The following CNNM2 variants were observed in gnomAD, a reference collection of about 807,000 sequenced individuals.
CNNM2 encodes metal transporter CNNM2.
In CNNM2, 12 loss-of-function variants were observed where a neutral mutation model predicts 66.9. The observed-to-expected ratio is 0.18, with a 90% CI of 0.11 to 0.29. CNNM2 has a LOEUF of 0.29. CNNM2 is among the 10% of genes least tolerant of loss of function. The pLI is 1.00. For synonymous variants in CNNM2, 557 were observed against 501.8 expected (o/e 1.11, Z -1.47); for missense variants, 705 against 1,167.7 (o/e 0.60, Z 5.77).
chr10:103,047,877 G>C (rs2065152158), intron 1 of CNNM2, among the ~76,000 whole-genome samples: 1 of 152,150 alleles, frequency 6.6e-6, no homozygotes, highest in Non-Finnish European at 1.5e-5. Context: ...TTGAGAAGCT[G>C]TTACGCTCGT....
intron 1 of CNNM2, among the ~76,000 whole-genome samples, chr10:102,922,819 T>C (rs1845701882): frequency 6.6e-6 from 1 of 151,576 alleles, no homozygotes; most frequent in Non-Finnish European, 1.5e-5. Context: ...TGTGTGCCTG[T>C]GGTCCCAGCT....
At chr10:102,987,881 A>G (rs2063826062) in intron 1 of CNNM2, among the ~76,000 whole-genome samples, 1 of 152,176 alleles carries the variant, frequency 6.6e-6, no homozygotes, top group South Asian at 2.1e-4. Flanking sequence ...ATGAGACCAG[A>G]GCCAAAGGTC....
Position 103,081,063 on chromosome 10 carries a change from C to T in CNNM2, c.*3883C>T, listed in dbSNP as rs1007766736. ...CAGGGGTGATCCTAGGCAGATGACT[C>T]ACCCGGGCTGGCACAGGAAGGTGCT... On this transcript the variant is annotated 3_prime_UTR_variant, in exon 8 of 8. Coordinates refer to ENST00000369878, the MANE Select transcript of CNNM2 (RefSeq NM_017649.5). The T allele has an allele frequency of 2.0e-5, 3 of 152,210 alleles. No individual in the cohort carries two copies. The highest frequency in any genetic ancestry group is 4.4e-5 in the Non-Finnish European group (3 of 68,054). The allele number at this position is 152,210 out of a possible 1,614,324, so 9.4% of individuals were successfully genotyped here.
At chr10:102,988,902 T>G (rs2063846276) in intron 1 of CNNM2, among the ~76,000 whole-genome samples, 1 of 152,194 alleles carries the variant, frequency 6.6e-6, no homozygotes, top group South Asian at 2.1e-4. Flanking sequence ...AGAAGTCACC[T>G]GTGAATGAGC....
At chr10:103,069,208 C>T (rs541132524) in intron 5 of CNNM2, among the ~76,000 whole-genome samples, 7 of 152,070 alleles carry the variant, frequency 4.6e-5, no homozygotes, top group African/African-American at 7.2e-5. Flanking sequence ...CAGCAGTGCA[C>T]GTGTCCTTTC....
rs2065588125 is a variant in CNNM2 at position 103,071,803 on chromosome 10, G to T, written c.2197G>T (p.Val733Phe). Residue 733 changes from valine (V) to phenylalanine (F), a missense_variant, in exon 6 of 8, where the codon GTC becomes TTC. Coordinates refer to ENST00000369878, the MANE Select transcript of CNNM2 (RefSeq NM_017649.5). ...VPLSLSRTFV[V>F]SRTELLAAGS... ...TTTGTCCCTGTCTCGTACCTTTGTT[G>T]TCAGCAGAACAGAGTTGTTAGCAGC... 1 of 1,613,874 alleles carries T rather than the reference G, an allele frequency of 6.2e-7. No individual in the cohort carries two copies. The highest frequency in any genetic ancestry group is 1.7e-5 in the Admixed American group (1 of 60,002).
chr10:103,041,086 T>TG (rs949462622), intron 1 of CNNM2, among the ~76,000 whole-genome samples: 19 of 152,118 alleles, frequency 1.2e-4, no homozygotes, highest in African/African-American at 4.6e-4. Context: ...AGGGGCCACA[T>TG]GGAGGGTGTT....
chr10:103,041,411 T>C (rs1270078605), intron 1 of CNNM2, among the ~76,000 whole-genome samples: 2 of 152,122 alleles, frequency 1.3e-5, no homozygotes, highest in Non-Finnish European at 2.9e-5. Flanking sequence ...GGAAATCTAA[T>C]GGTGTCATGT....
Position 102,921,000 on chromosome 10 carries a change from T to TC in CNNM2, c.1621+901dup, listed in dbSNP as rs955235286. The TC allele has an allele frequency of 4.0e-6, 3 of 757,082 alleles. No individual in the cohort carries two copies. The African/African-American group carries it at 5.7e-5, about 14-fold the overall frequency. 46.9% of individuals were successfully genotyped at this position (757,082 alleles called of 1,614,324 possible). ...CTTTCAGTTTAACGTGTTCTTTTTT[T>TC]CCACCTTGATCATCCGATACATTAA... is the stretch of plus-strand genomic sequence containing the variant. On this transcript the variant is annotated intron_variant, in intron 1 of 7. Transcript: ENST00000369878.
chr10:102,920,819 G>T (rs1343291501), intron 1 of CNNM2, among the ~76,000 whole-genome samples: 1 of 152,174 alleles, frequency 6.6e-6, no homozygotes, highest in East Asian at 1.9e-4. Flanking sequence ...CCAGCCTTTT[G>T]TGAAGAGGCT....
chr10:102,918,543 A>C lies in CNNM2; in HGVS notation c.63A>C (p.Ala21=). Residue 21 remains alanine (A), a synonymous_variant, in exon 1 of 8, where the codon GCA becomes GCC. Coordinates refer to ENST00000369878, the MANE Select transcript of CNNM2 (RefSeq NM_017649.5). The surrounding 1 kb of genome is among the most constrained non-coding windows in gnomAD (Gnocchi z 4.1). ...TGGCGGGCGGGCAGGCAGCCGCCGC[A>C]CTGCCCACTTGGAAGATGGCGGCGC... ...VKMAGGQAAA[A]LPTWKMAARR... is the part of the protein sequence containing the mutation. 10 of 1,601,808 alleles carry C rather than the reference A, an allele frequency of 6.2e-6. No homozygotes were observed. Among genetic ancestry groups the C allele is most frequent in the Non-Finnish European group, 7.6e-6 (9 of 1,176,572 alleles).
chr10:102,945,779 T>C (rs1209052939), intron 1 of CNNM2, among the ~76,000 whole-genome samples: 1 of 152,236 alleles, frequency 6.6e-6, no homozygotes, highest in Non-Finnish European at 1.5e-5. Flanking sequence ...TAAGACTCTA[T>C]GTATCCATGT....
chr10:103,001,830 C>G (rs1688409573), intron 1 of CNNM2, among the ~76,000 whole-genome samples: 1 of 148,886 alleles, frequency 6.7e-6, no homozygotes, highest in East Asian at 2.0e-4. Flanking sequence ...ATGGTGAAAC[C>G]CCCTGTATAC....
chr10:102,937,946 A>G (rs906240240), intron 1 of CNNM2, among the ~76,000 whole-genome samples: 4 of 151,962 alleles, frequency 2.6e-5, no homozygotes, highest in African/African-American at 4.8e-5. Context: ...TAATTTAACT[A>G]TAGGATAAGT....
At chr10:103,037,579 C>T (rs1013379056) in intron 1 of CNNM2, among the ~76,000 whole-genome samples, 2 of 152,094 alleles carry the variant, frequency 1.3e-5, no homozygotes, top group Admixed American at 1.3e-4. Context: ...GGAGTCTTCT[C>T]TCTGTAATGA....
intron 1 of CNNM2, among the ~76,000 whole-genome samples, chr10:103,034,206 A>G (rs982734320): frequency 1.3e-4 from 20 of 152,068 alleles, no homozygotes; most frequent in African/African-American, 4.6e-4. Flanking sequence ...TATTAAATGT[A>G]TAATAATAAA....
chr10:102,972,159 T>C (rs1178376096), intron 1 of CNNM2, among the ~76,000 whole-genome samples: 1 of 152,174 alleles, frequency 6.6e-6, no homozygotes, highest in Non-Finnish European at 1.5e-5. Flanking sequence ...CGTGTTTCCA[T>C]GTTTTAATAT....
intron 5 of CNNM2, among the ~76,000 whole-genome samples, chr10:103,069,760 C>G (rs751757111): frequency 6.6e-6 from 1 of 152,166 alleles, no homozygotes; most frequent in Non-Finnish European, 1.5e-5. Context: ...TGAGGCAGCC[C>G]GAACAGGTCG....
rs576434046 is a variant in CNNM2, at chr10:103,067,225, C to T, written c.2074-1404C>T. ...CCAAGTAGCTGAGACTACAGGTGCA[C>T]GCCACCATGCCTGGCTAATTTTTGT... is the stretch of plus-strand genomic sequence containing the variant. On this transcript the variant is annotated intron_variant, in intron 4 of 7. Coordinates refer to ENST00000369878, the MANE Select transcript of CNNM2 (RefSeq NM_017649.5). Among the ~76,000 whole-genome samples the T allele has an allele frequency of 2.0e-4, 30 of 151,842 alleles. 1 individual carries two copies. The South Asian group carries it at 4.4e-3, about 22-fold the overall frequency.
Sources: gnomAD v4.1 joint callset for allele counts (sites outside exome capture counted in the v4.1 genomes callset) on GRCh38, gnomAD v4.1.1 for gene constraint, Gnocchi (gnomAD v3.1) non-coding constraint, MANE v1.5 for transcripts, NCBI Gene and HGNC (gene_info 2026-07-23, HGNC 2026-07-21) for gene names.